Variants in UTP20 observed in about 807,000 individuals in gnomAD.
The protein encoded by UTP20 is small subunit processome component 20 homolog.
Under a neutral mutation model 329.5 loss-of-function variants are expected in UTP20, and 164 were observed. The ratio of observed to expected loss-of-function variants is 0.50; its 90% CI spans 0.44 to 0.57. The LOEUF (loss-of-function observed/expected upper bound fraction) is 0.57, where lower values mean the gene tolerates loss of function less well. Among genes scored for constraint, UTP20 ranks in the 20% least tolerant of loss-of-function variants. The pLI is 0.00. For synonymous variants in UTP20, 1,151 were observed against 1,159.3 expected, an observed-to-expected ratio of 0.99 and a Z score of 0.14; for missense variants, 3,055 against 3,284.2, an observed-to-expected ratio of 0.93 and a Z score of 1.71.
chr12:101,309,426 T>C (rs1872721991), intron 18 of UTP20, among the ~76,000 whole-genome samples: 1 of 152,230 alleles, frequency 6.6e-6, no homozygotes, highest in African/African-American at 2.4e-5. Context: ...CTGACTGCTG[T>C]TGAAGTTTTG....
At chr12:101,357,400 G>T (rs1426381379) in intron 43 of UTP20, among the ~76,000 whole-genome samples, 1 of 151,968 alleles carries the variant, frequency 6.6e-6, no homozygotes, top group Non-Finnish European at 1.5e-5. Context: ...ATTATCACTG[G>T]TGTGAATGAT....
At chr12:101,342,675 G>A (rs151149067) in intron 33 of UTP20, 86 bp downstream of exon 33, 2 of 1,533,768 alleles carry the variant, frequency 1.3e-6, no homozygotes, top group African/African-American at 1.4e-5. Flanking sequence ...CTTTCTTCAT[G>A]CCAGGGTGAT....
chr12:101,304,463 A>C (rs1385965040), intron 15 of UTP20, among the ~76,000 whole-genome samples: 1 of 152,168 alleles, frequency 6.6e-6, no homozygotes. Flanking sequence ...TACTGTTATC[A>C]GTATAGATGG....
chr12:101,376,508 A>G (rs1870477432), intron 56 of UTP20, among the ~76,000 whole-genome samples: 1 of 152,174 alleles, frequency 6.6e-6, no homozygotes, highest in African/African-American at 2.4e-5. Flanking sequence ...ACTGTACTGA[A>G]TACTGTAGGC....
chr12:101,365,612 A>G lies in UTP20; in HGVS notation c.6112A>G (p.Thr2038Ala). ...GATCAGTGAAAATCTTCCCCTGTTA[A>G]CAGAGAAAGAAAAGTAAGTTGGAAA... Reference protein sequence around the residue: ...GLISENLPLLTEKEKNPVAPA... With the variant: ...GLISENLPLLAEKEKNPVAPA... The change falls in exon 46 of 62, where the codon ACA (threonine) becomes GCA (alanine). Residue 2038 changes from threonine to alanine, a missense_variant. Thr to Ala is a moderately conservative substitution (Grantham distance 58). Coordinates refer to ENST00000261637, the MANE Select transcript of UTP20 (RefSeq NM_014503.3). 1 of 1,566,618 alleles carries G rather than the reference A, an allele frequency of 6.4e-7. No homozygotes were observed. Among genetic ancestry groups the G allele is most frequent in the Middle Eastern group, 1.7e-4 (1 of 5,842 alleles).
At chr12:101,384,843 G>A (rs947865731) in intron 60 of UTP20, among the ~76,000 whole-genome samples, 7 of 152,142 alleles carry the variant, frequency 4.6e-5, no homozygotes, top group Non-Finnish European at 8.8e-5. Context: ...AAAGGTTGAG[G>A]CTGCTGACAA....
rs754000492 is a variant in UTP20 at position 101,369,877 on chromosome 12, G to T, written c.6541G>T (p.Val2181Phe). The T allele has an allele frequency of 4.3e-6, 7 of 1,613,676 alleles. No homozygotes were observed. The South Asian group carries it at 5.5e-5, about 13-fold the overall frequency. ...AARGQNFHLV[V>F]NCFKCVTILV... is the part of the protein sequence containing the mutation. ...CAGGGGCCAGAACTTCCACCTTGTG[G>T]TCAATTGTTTCAAGGTGAGATGTCT... The change falls in exon 49 of 62, where the codon GTC becomes TTC. Residue 2181 changes from valine to phenylalanine, a missense_variant. This residue lies in a region of UTP20 where 2,445 missense variants were observed against 2,575.5 expected (regional missense o/e 0.95). Coordinates refer to ENST00000261637, the MANE Select transcript of UTP20 (RefSeq NM_014503.3).
chr12:101,351,217 C>A (rs1157020374), intron 38 of UTP20, among the ~76,000 whole-genome samples: 1 of 151,956 alleles, frequency 6.6e-6, no homozygotes, highest in African/African-American at 2.4e-5. Context: ...ACCTCCGCCT[C>A]CCGGGATCAA....
intron 41 of UTP20, among the ~76,000 whole-genome samples, 200 bp from the exon 42 acceptor site, chr12:101,356,354 G>C (rs1034286900): frequency 6.6e-6 from 1 of 152,130 alleles, no homozygotes; most frequent in African/African-American, 2.4e-5. Context: ...TCAAACTCCC[G>C]ATCTCAGGTG....
intron 11 of UTP20, among the ~76,000 whole-genome samples, chr12:101,294,890 A>G (rs12310289): frequency 1.1e-4 from 16 of 152,150 alleles, no homozygotes; most frequent in African/African-American, 3.9e-4. Flanking sequence ...AAAAACTGGA[A>G]ATTGTTTTCT....
In UTP20 at chr12:101,329,580, A is replaced by C. The variant is rs1868686592; in HGVS notation, c.3417+131A>C. ...AAGTTTGATCCCAGAACAAAGCCCAAAATTGTAAATGATTTAAGTGAAAAT... is the reference window on the plus strand; with the variant it reads ...AAGTTTGATCCCAGAACAAAGCCCACAATTGTAAATGATTTAAGTGAAAAT... On this transcript the variant is annotated intron_variant, in intron 27 of 61. Transcript: ENST00000261637. 1.2e-5 allele frequency: 10 copies of C among 830,882 alleles called. No individual in the cohort carries two copies. The South Asian group carries it at 2.2e-4, about 19-fold the overall frequency. The allele number at this position is 830,882 out of a possible 1,614,324, so 51.5% of individuals were successfully genotyped here.
In UTP20 at chr12:101,379,436, G is replaced by A. The variant is rs1001252343; in HGVS notation, c.7462G>A (p.Gly2488Arg). The change falls in exon 57 of 62, where the codon GGA (glycine) becomes AGA (arginine). Residue 2488 changes from glycine (G) to arginine (R), a missense_variant. Physicochemically the swap from Gly to Arg is moderately radical, Grantham distance 125. Coordinates refer to ENST00000261637, the MANE Select transcript of UTP20 (RefSeq NM_014503.3). ...WVWLTAAQIF[G>R]LLFASCQPEE... is the part of the protein sequence containing the mutation. ...GTGGCTCACAGCAGCCCAGATTTTT[G>A]GATTACTCTTTGCCTCTTGCCAGCC... 2.5e-6 allele frequency: 4 copies of A among 1,613,768 alleles called. No homozygotes were observed. The highest frequency in any genetic ancestry group is 1.1e-5 in the South Asian group (1 of 91,034).
intron 27 of UTP20, among the ~76,000 whole-genome samples, chr12:101,330,602 T>C (rs1240398335): frequency 6.6e-6 from 1 of 152,194 alleles, no homozygotes. Context: ...CTCTGTTATA[T>C]GAGAGTGTAA....
intron 56 of UTP20, among the ~76,000 whole-genome samples, chr12:101,377,480 G>A (rs1457713184): frequency 2.6e-5 from 4 of 152,034 alleles, no homozygotes; most frequent in Admixed American, 1.3e-4. Flanking sequence ...ACAGGCGTGT[G>A]CCACCATGCC....
Position 101,291,745 on chromosome 12 carries a change from TC to T in UTP20, c.896del (p.Ser299CysfsTer9). On this transcript the variant is annotated frameshift_variant, in exon 9 of 62. Transcript: ENST00000261637. LOFTEE classifies it high-confidence loss of function. Reference sequence around the variant, plus strand: ...CTGTTAAATTCTTTGTTTGCAGGAATCGCTCTTGGATCTACACACAAAAGTA... The same window carrying T: ...CTGTTAAATTCTTTGTTTGCAGGAATGCTCTTGGATCTACACACAAAAGTA... ...FGTFFECLQE[S>X]LLDLHTKVTK... The T allele has an allele frequency of 1.3e-6, 2 of 1,531,190 alleles. No individual in the cohort carries two copies. Among genetic ancestry groups the T allele is most frequent in the Non-Finnish European group, 1.7e-6 (2 of 1,143,988 alleles). 94.9% of individuals were successfully genotyped at this position (1,531,190 alleles called of 1,614,324 possible). A position where few individuals can be genotyped will look rare whatever the true frequency, so the allele number is the denominator to read the frequency against.
Position 101,312,088 on chromosome 12 carries a change from T to C in UTP20, c.2364T>C (p.Ser788=), listed in dbSNP as rs772043182. 8 of 1,614,078 alleles carry C rather than the reference T, an allele frequency of 5.0e-6. No homozygotes were observed. The highest frequency in any genetic ancestry group is 2.2e-5 in the East Asian group (1 of 44,890). The change falls in exon 21 of 62, where the codon AGT becomes AGC. Residue 788 remains serine, a synonymous_variant. Coordinates refer to ENST00000261637, the MANE Select transcript of UTP20 (RefSeq NM_014503.3). ...ATGAGAAGTCCGTTGGAGATGAAAG[T>C]TGGGAGCAGACCCAGGAAGGAGATG... is the stretch of plus-strand genomic sequence containing the variant. The part of the protein sequence containing the change: ...MTDEKSVGDE[S]WEQTQEGDVG...
At chr12:101,327,310 G>C in intron 26 of UTP20, 63 bp downstream of exon 26, 1 of 1,408,882 alleles carries the variant, frequency 7.1e-7, no homozygotes, top group Non-Finnish European at 9.4e-7. Context: ...CACATCTCAG[G>C]CTACATTTCC....
At chr12:101,320,644 G>GT (rs895442602) in intron 23 of UTP20, among the ~76,000 whole-genome samples, 1 of 152,106 alleles carries the variant, frequency 6.6e-6, no homozygotes, top group Non-Finnish European at 1.5e-5. Flanking sequence ...GTGTCAGAGA[G>GT]TTTTGTTTCC....
chr12:101,340,547 A>C lies in UTP20; in HGVS notation c.4038A>C (p.Lys1346Asn). 1 of 1,609,408 alleles carries C rather than the reference A, an allele frequency of 6.2e-7. No homozygotes were observed. The highest frequency in any genetic ancestry group is 8.5e-7 in the Non-Finnish European group (1 of 1,178,268). ...LSKISKFMKD[K>N]EQSSVLITLL... ...GGATCAGCAAGTTTATGAAAGACAA[A>C]GAACAAAGTTCTGTACTCATTACGC... Residue 1346 changes from lysine to asparagine, a missense_variant, in exon 32 of 62, where the codon AAA becomes AAC. By Grantham distance (94) the Lys-to-Asn change is moderately conservative. Transcript: ENST00000261637.
Sources: allele counts gnomAD v4.1 joint callset (sites outside exome capture counted in the v4.1 genomes callset), GRCh38; gene constraint gnomAD v4.1.1; regional missense constraint gnomAD v4.1.1; transcripts MANE v1.5; gene names NCBI Gene and HGNC (gene_info 2026-07-23, HGNC 2026-07-21).